SLC16A7: variants seen among roughly 807,000 people sequenced by gnomAD.
SLC16A7 encodes monocarboxylate transporter 2.
SLC16A7 carries 33 observed loss-of-function variants against 34.9 expected under a neutral mutation model. That is an observed-to-expected ratio of 0.94 (90% CI 0.72 to 1.26). SLC16A7 has a LOEUF of 1.26. SLC16A7 is among the 50% of genes most tolerant of loss of function. SLC16A7 has a pLI of 0.00. For missense variants in SLC16A7, 573 were observed against 578.1 expected, an observed-to-expected ratio of 0.99 and a Z score of 0.09; for synonymous variants, 201 against 206.6, an observed-to-expected ratio of 0.97 and a Z score of 0.23.
At chr12:59,644,508 A>G (rs1436028417) in intron 1 of SLC16A7, among the ~76,000 whole-genome samples, 2 of 152,186 alleles carry the variant, frequency 1.3e-5, no homozygotes, top group Non-Finnish European at 2.9e-5. Flanking sequence ...TGGAAACTGC[A>G]GTAAGCCAAG....
chr12:59,600,166 G>A (rs1336678146), intron 1 of SLC16A7, among the ~76,000 whole-genome samples: 1 of 152,228 alleles, frequency 6.6e-6, no homozygotes, highest in Non-Finnish European at 1.5e-5. Flanking sequence ...ACTGTGCTGA[G>A]CACATACATA....
chr12:59,695,074 T>G (rs1872120791), intron 2 of SLC16A7, among the ~76,000 whole-genome samples: 1 of 151,896 alleles, frequency 6.6e-6, no homozygotes, highest in Non-Finnish European at 1.5e-5. Flanking sequence ...TAAGCTGGCC[T>G]GTATAAATTA....
chr12:59,680,292 A>C (rs1340665832), intron 2 of SLC16A7, among the ~76,000 whole-genome samples: 1 of 152,216 alleles, frequency 6.6e-6, no homozygotes, highest in Non-Finnish European at 1.5e-5. Flanking sequence ...CGAACATCAC[A>C]GAAGATAGAG....
At chr12:59,637,112 T>G (rs2137001341) in intron 1 of SLC16A7, among the ~76,000 whole-genome samples, 1 of 152,240 alleles carries the variant, frequency 6.6e-6, no homozygotes, top group South Asian at 2.1e-4. Flanking sequence ...AGTAGAAAGA[T>G]TATCTTTGCT....
In SLC16A7 at chr12:59,779,471, G is replaced by C. The variant is rs753634223; in HGVS notation, c.1229G>C (p.Cys410Ser). The change falls in exon 6 of 6, where the codon TGT (cysteine) becomes TCT (serine). Residue 410 changes from cysteine to serine, a missense_variant. Coordinates refer to ENST00000547379, the MANE Select transcript of SLC16A7 (RefSeq NM_001270623.2). ...TGEYKYMYMS[C>S]GAIVVAASVW... ...GAATATAAATACATGTACATGTCCT[G>C]TGGGGCTATTGTGGTAGCAGCAAGC... 6.2e-7 allele frequency: 1 copy of C among 1,611,268 alleles called. No individual in the cohort carries two copies. The highest frequency in any genetic ancestry group is 1.7e-5 in the Admixed American group (1 of 59,878).
At position 59,688,876 on chromosome 12, in the gene SLC16A7, A is replaced by G. The variant is rs1871352639; in HGVS notation, c.-30-15896A>G. Among the ~76,000 whole-genome samples, 3 of 152,056 alleles carry G rather than the reference A, an allele frequency of 2.0e-5. No individual in the cohort carries two copies. In the South Asian group the frequency reaches 6.2e-4, roughly 31 times the overall value. ...CCTATTTTTCAAAGCAGACATAAAA[A>G]TCAAAATTAGGGCAAATAAGTAAAT... On this transcript the variant is annotated intron_variant, in intron 2 of 5. Transcript: ENST00000547379.
intron 1 of SLC16A7, among the ~76,000 whole-genome samples, chr12:59,645,738 T>A (rs1880880052): frequency 6.6e-6 from 1 of 151,776 alleles, no homozygotes; most frequent in Non-Finnish European, 1.5e-5. Flanking sequence ...CAGGCTGAGG[T>A]TGGAACAGTT....
At chr12:59,660,911 G>T (rs1412660079) in intron 2 of SLC16A7, among the ~76,000 whole-genome samples, 1 of 152,026 alleles carries the variant, frequency 6.6e-6, no homozygotes, top group Non-Finnish European at 1.5e-5. Context: ...TGCCTTTGTA[G>T]TGTTTTTAAA....
chr12:59,748,678 A>C (rs1333524989), intron 3 of SLC16A7, among the ~76,000 whole-genome samples: 1 of 152,226 alleles, frequency 6.6e-6, no homozygotes, highest in Non-Finnish European at 1.5e-5. Context: ...CTGTAAGAAA[A>C]TAAAAGGAAA....
chr12:59,611,785 A>C (rs988191286), intron 1 of SLC16A7, among the ~76,000 whole-genome samples: 1 of 152,226 alleles, frequency 6.6e-6, no homozygotes, highest in Non-Finnish European at 1.5e-5. Context: ...GGCCCCATGC[A>C]AGTCTGGAAT....
chr12:59,746,619 C>G (rs981206557), intron 3 of SLC16A7, among the ~76,000 whole-genome samples: 1 of 152,110 alleles, frequency 6.6e-6, no homozygotes, highest in Non-Finnish European at 1.5e-5. Context: ...TTAATAGTAC[C>G]CCAGTTTGGT....
intron 2 of SLC16A7, among the ~76,000 whole-genome samples, chr12:59,658,688 C>T (rs1167773793): frequency 6.6e-6 from 1 of 152,006 alleles, no homozygotes; most frequent in African/African-American, 2.4e-5. Context: ...AAGCCACTCA[C>T]TGTGTCCTCA....
At chr12:59,602,640 C>T (rs191784761) in intron 1 of SLC16A7, among the ~76,000 whole-genome samples, 4 of 151,882 alleles carry the variant, frequency 2.6e-5, no homozygotes, top group South Asian at 2.1e-4. Context: ...CCCACCATCA[C>T]GTCTGGCTAA....
chr12:59,628,530 G>A (rs1284075014), intron 1 of SLC16A7, among the ~76,000 whole-genome samples: 2 of 151,732 alleles, frequency 1.3e-5, no homozygotes, highest in East Asian at 3.9e-4. Context: ...TGCTTTCATA[G>A]AGCCGTAAAC....
chr12:59,689,776 A>G lies in SLC16A7; in HGVS notation c.-30-14996A>G, dbSNP rs140785566. Among the ~76,000 whole-genome samples the G allele has an allele frequency of 1.4e-3, 210 of 152,176 alleles. 1 individual carries two copies. Among genetic ancestry groups the G allele is most frequent in the Middle Eastern group, 6.8e-3 (2 of 294 alleles). Reference sequence around the variant, plus strand: ...ACCAAAACACCAGAGAATCTTTGGAAACTAATGCAAAATGGAGGATCCAAA... The same window carrying G: ...ACCAAAACACCAGAGAATCTTTGGAGACTAATGCAAAATGGAGGATCCAAA... On this transcript the variant is annotated intron_variant, in intron 2 of 5. Transcript: ENST00000547379.
chr12:59,756,778 A>G (rs1291906803), intron 3 of SLC16A7, among the ~76,000 whole-genome samples: 4 of 134,738 alleles, frequency 3.0e-5, no homozygotes, highest in African/African-American at 9.2e-5. Flanking sequence ...AGGACTATAA[A>G]TCATGCTGCT....
chr12:59,704,100 T>G (rs1470190684), intron 2 of SLC16A7, among the ~76,000 whole-genome samples: 2 of 146,410 alleles, frequency 1.4e-5, no homozygotes, highest in African/African-American at 5.1e-5. Context: ...TACTAGGGTC[T>G]GAGGCAGGAG....
chr12:59,775,757 G>T (rs1303471395), intron 5 of SLC16A7, among the ~76,000 whole-genome samples: 1 of 151,660 alleles, frequency 6.6e-6, no homozygotes, highest in African/African-American at 2.4e-5. Flanking sequence ...CAGTTGTTTT[G>T]GTCTCTTAAA....
chr12:59,727,170 A>ATATATAT (rs1555174538), intron 3 of SLC16A7, among the ~76,000 whole-genome samples: 2 of 144,368 alleles, frequency 1.4e-5, no homozygotes, highest in African/African-American at 5.3e-5. Flanking sequence ...ATATATATAT[A>ATATATAT]ATATATATAT....
Sources: gnomAD v4.1 joint callset for allele counts (sites outside exome capture counted in the v4.1 genomes callset) on GRCh38, gnomAD v4.1.1 for gene constraint, MANE v1.5 for transcripts, NCBI Gene and HGNC (gene_info 2026-07-23, HGNC 2026-07-21) for gene names.